ZNF154: variants seen among roughly 807,000 people sequenced by gnomAD.
ZNF154 encodes zinc finger protein 154 (pHZ-92).
Under a neutral mutation model 7.5 loss-of-function variants are expected in ZNF154, and 6 were observed. That is an observed-to-expected ratio of 0.80 (90% CI 0.44 to 1.57). The LOEUF is 1.57. Ranked by LOEUF, ZNF154 falls within the 40% of genes most tolerant of loss-of-function variation. ZNF154 has a pLI of 0.01. For synonymous variants in ZNF154, 187 were observed against 185.9 expected (o/e 1.01, Z -0.05); for missense variants, 485 against 531.4 (o/e 0.91, Z 0.86).
rs756506973 is a variant in ZNF154, at chr19:57,702,159, G to A, written c.790C>T (p.Arg264Trp). 64 of 1,613,706 alleles carry A rather than the reference G, an allele frequency of 4.0e-5. No individual in the cohort carries two copies. The highest frequency in any genetic ancestry group is 5.0e-5 in the Admixed American group (3 of 59,986). Reference protein sequence around the residue: ...FSQRSALLQHRGVHTGERPYE... With the variant: ...FSQRSALLQHWGVHTGERPYE... ...GGCCTCTCCCCAGTGTGAACTCCCC[G>A]ATGTTGAAGGAGTGCAGACCTTTGG... is the stretch of plus-strand genomic sequence containing the variant. The change falls in exon 3 of 3, where the codon CGG becomes TGG. Residue 264 changes from arginine to tryptophan, a missense_variant. Coordinates refer to ENST00000684351, the MANE Select transcript of ZNF154 (RefSeq NM_001085384.3).
Position 57,699,574 on chromosome 19 carries a change from G to C in ZNF154, c.*2061C>G, listed in dbSNP as rs1269250688. ...CTGGAAGTTGACAATGACCAATTGA[G>C]AGCAATATTAGAAGCTGATCCTCTT... On this transcript the variant is annotated 3_prime_UTR_variant, in exon 3 of 3. Coordinates refer to ENST00000684351, the MANE Select transcript of ZNF154 (RefSeq NM_001085384.3). The C allele has an allele frequency of 4.2e-6, 1 of 237,946 alleles. No individual in the cohort carries two copies. Among genetic ancestry groups the C allele is most frequent in the East Asian group, 1.1e-4 (1 of 9,042 alleles). 14.7% of individuals were successfully genotyped at this position (237,946 alleles called of 1,614,324 possible). A position where few individuals can be genotyped will look rare whatever the true frequency, so the allele number is the denominator to read the frequency against.
intron 1 of ZNF154, among the ~76,000 whole-genome samples, chr19:57,706,107 C>T (rs1280478807): frequency 1.3e-5 from 2 of 152,168 alleles, no homozygotes; most frequent in African/African-American, 4.8e-5. Context: ...ACCCTGATTT[C>T]ACCAGATGTC....
At position 57,702,783 on chromosome 19, in the gene ZNF154, G is replaced by T; in HGVS notation, c.166C>A (p.His56Asn). 6.3e-7 allele frequency: 1 copy of T among 1,597,020 alleles called. No homozygotes were observed. Residue 56 changes from histidine (H) to asparagine (N), a missense_variant, in exon 3 of 3, where the codon CAT (histidine) becomes AAT (asparagine). Coordinates refer to ENST00000684351, the MANE Select transcript of ZNF154 (RefSeq NM_001085384.3). ...TCTCCAAGGTGCTGCTTCTGATGAT[G>T]AACATCTGCAATGAAATACAATTAT... ...NLALLTSLDV[H>N]HQKQHLGEKH... is the part of the protein sequence containing the mutation.
intron 2 of ZNF154, 146 bp downstream of exon 2, chr19:57,704,707 T>A: frequency 8.8e-7 from 1 of 1,136,494 alleles, no homozygotes; most frequent in South Asian, 1.7e-5. Flanking sequence ...ATGCACACCT[T>A]AGTCTTACCA....
intron 2 of ZNF154, among the ~76,000 whole-genome samples, chr19:57,704,583 G>A (rs921998007): frequency 6.6e-6 from 1 of 152,166 alleles, no homozygotes; most frequent in Non-Finnish European, 1.5e-5. Flanking sequence ...ACATGGAGGG[G>A]ACAATCAAGG....
intron 2 of ZNF154, 123 bp from the exon 3 acceptor site, chr19:57,702,911 T>G (rs35063765): frequency 0.16 from 151,318 of 918,380 alleles, 13,353 homozygotes; most frequent in Non-Finnish European, 0.17. Context: ...CGTCTCACAG[T>G]GGTGGGCCTT....
chr19:57,701,370 A>G lies in ZNF154; in HGVS notation c.*265T>C, dbSNP rs540060124. 20 of 459,896 alleles carry G rather than the reference A, an allele frequency of 4.3e-5. No individual in the cohort carries two copies. Among genetic ancestry groups the G allele is most frequent in the South Asian group, 1.7e-4 (6 of 35,916 alleles). The allele number at this position is 459,896 out of a possible 1,614,324, so 28.5% of individuals were successfully genotyped here. On this transcript the variant is annotated 3_prime_UTR_variant, in exon 3 of 3. Coordinates refer to ENST00000684351, the MANE Select transcript of ZNF154 (RefSeq NM_001085384.3). ...GGCCCTGGGCAGGGCAAAAGGTGCAATGCAGTTCACACATACCTGGAATTT... is the reference window on the plus strand; with the variant it reads ...GGCCCTGGGCAGGGCAAAAGGTGCAGTGCAGTTCACACATACCTGGAATTT...
chr19:57,702,312 C>A lies in ZNF154; in HGVS notation c.637G>T (p.Ala213Ser). ...TCATCACATTCATGAGGTCGTACTG[C>A]AGTGTGAACTCTCCGGTGCTGAATG... The part of the protein sequence containing the change: ...SLIQHRRVHT[A>S]VRPHECDECG... Residue 213 changes from alanine to serine, a missense_variant, in exon 3 of 3, where the codon GCA becomes TCA. Physicochemically the swap from Ala to Ser is moderately conservative, Grantham distance 99 (BLOSUM62 1). Coordinates refer to ENST00000684351, the MANE Select transcript of ZNF154 (RefSeq NM_001085384.3). 4 of 1,612,938 alleles carry A rather than the reference C, an allele frequency of 2.5e-6. No homozygotes were observed. Among genetic ancestry groups the A allele is most frequent in the Non-Finnish European group, 3.4e-6 (4 of 1,178,976 alleles).
intron 1 of ZNF154, 38 bp from the exon 2 acceptor site, chr19:57,705,017 C>T (rs546455481): frequency 6.3e-7 from 1 of 1,583,694 alleles, no homozygotes; most frequent in Non-Finnish European, 8.6e-7. Context: ...CCAAGAGCCC[C>T]TATCCCAAGG....
chr19:57,696,449 T>C lies in ZNF154; in HGVS notation c.*5186A>G, dbSNP rs1389137236. 1.3e-5 allele frequency among the ~76,000 whole-genome samples: 2 copies of C among 152,156 alleles called. No individual in the cohort carries two copies. Among genetic ancestry groups the C allele is most frequent in the African/African-American group, 4.8e-5 (2 of 41,436 alleles). On this transcript the variant is annotated 3_prime_UTR_variant, in exon 3 of 3. Transcript: ENST00000684351. The stretch of plus-strand genomic sequence containing the variant: ...CTTTTGCCAGGATCCCAGAGAGTAC[T>C]GTGAGCACTCCTATTCCACAAACAT...
intron 2 of ZNF154, 92 bp from the exon 3 acceptor site, chr19:57,702,880 GTC>G (rs1276672602): frequency 3.1e-6 from 4 of 1,273,362 alleles, no homozygotes; most frequent in Non-Finnish European, 4.3e-6. Flanking sequence ...AGAGCAAAAT[GTC>G]TCTCAAGACC....
At position 57,701,717 on chromosome 19, in the gene ZNF154, T is replaced by G. The variant is rs766966512; in HGVS notation, c.1232A>C (p.Lys411Thr). 6.2e-7 allele frequency: 1 copy of G among 1,613,704 alleles called. No individual in the cohort carries two copies. Among genetic ancestry groups the G allele is most frequent in the South Asian group, 1.1e-5 (1 of 91,030 alleles). ...IKHRRVHTGEKPYECTECGKS... is the reference protein window; with the variant it reads ...IKHRRVHTGETPYECTECGKS... The stretch of plus-strand genomic sequence containing the variant: ...CCCACATTCCGTGCACTCATAAGGC[T>G]TCTCCCCAGTGTGAACCCTCCTGTG... The change falls in exon 3 of 3, where the codon AAG becomes ACG. Residue 411 changes from lysine to threonine, a missense_variant. By Grantham distance (78) the Lys-to-Thr change is moderately conservative (BLOSUM62 -1). Coordinates refer to ENST00000684351, the MANE Select transcript of ZNF154 (RefSeq NM_001085384.3).
chr19:57,702,037 G>A lies in ZNF154; in HGVS notation c.912C>T (p.Ser304=), dbSNP rs751870881. 2.3e-5 allele frequency: 37 copies of A among 1,610,816 alleles called. No homozygotes were observed. In the Admixed American group the frequency reaches 2.5e-4, roughly 11 times the overall value. The change falls in exon 3 of 3, where the codon AGC becomes AGT. Residue 304 remains serine, a synonymous_variant. Coordinates refer to ENST00000684351, the MANE Select transcript of ZNF154 (RefSeq NM_001085384.3). ...TTTGGCTAAATGACTTCCCACATTC[G>A]CTGCACTCATAAGGCCTGGATCCAC... ...VHSGSRPYEC[S]ECGKSFSQNS...
chr19:57,708,681 T>C (rs1985498158), intron 1 of ZNF154, among the ~76,000 whole-genome samples: 1 of 152,160 alleles, frequency 6.6e-6, no homozygotes. Flanking sequence ...CTCCGCCTCA[T>C]ATTCTTCGTT....
In ZNF154 at chr19:57,702,011, T is replaced by A. The variant is rs776324104; in HGVS notation, c.938A>T (p.Asn313Ile). Reference sequence around the variant, plus strand: ...CCTATGGTGTTCAATGAGGCTAGAGTTTTGGCTAAATGACTTCCCACATTC... The same window carrying A: ...CCTATGGTGTTCAATGAGGCTAGAGATTTGGCTAAATGACTTCCCACATTC... Reference protein sequence around the residue: ...CSECGKSFSQNSSLIEHHRVH... With the variant: ...CSECGKSFSQISSLIEHHRVH... The change falls in exon 3 of 3, where the codon AAC (asparagine) becomes ATC (isoleucine). Residue 313 changes from asparagine (N) to isoleucine (I), a missense_variant. By Grantham distance (149) the Asn-to-Ile change is moderately radical. Coordinates refer to ENST00000684351, the MANE Select transcript of ZNF154 (RefSeq NM_001085384.3). The A allele has an allele frequency of 1.2e-6, 2 of 1,612,470 alleles. No homozygotes were observed. The highest frequency in any genetic ancestry group is 2.7e-5 in the African/African-American group (2 of 74,284).
At chr19:57,704,420 A>G (rs1465768385) in intron 2 of ZNF154, among the ~76,000 whole-genome samples, 3 of 152,218 alleles carry the variant, frequency 2.0e-5, no homozygotes, top group African/African-American at 7.2e-5. Context: ...ATTTCAGAGG[A>G]ATACTTTGTA....
chr19:57,696,889 C>A lies in ZNF154; in HGVS notation c.*4746G>T, dbSNP rs543091681. Among the ~76,000 whole-genome samples the A allele has an allele frequency of 6.6e-6, 1 of 152,160 alleles. No individual in the cohort carries two copies. The highest frequency in any genetic ancestry group is 1.5e-5 in the Non-Finnish European group (1 of 68,028). On this transcript the variant is annotated 3_prime_UTR_variant, in exon 3 of 3. Transcript: ENST00000684351. ...GCTGGAAGCTCGCACTGTCCTGTCC[C>A]GATGTATCATCCAGCAGCCCCAAGG...
chr19:57,701,024 G>A lies in ZNF154; in HGVS notation c.*611C>T, dbSNP rs1985106218. ...GAGGCAGTTGGTTCCCACAGTTGGT[G>A]ATTTGAAGGCTGGCAAACTCTATCA... On this transcript the variant is annotated 3_prime_UTR_variant, in exon 3 of 3. Coordinates refer to ENST00000684351, the MANE Select transcript of ZNF154 (RefSeq NM_001085384.3). 1 of 153,176 alleles carries A rather than the reference G, an allele frequency of 6.5e-6. No individual in the cohort carries two copies. The highest frequency in any genetic ancestry group is 1.5e-5 in the Non-Finnish European group (1 of 68,844). The allele number at this position is 153,176 out of a possible 1,614,324, so 9.5% of individuals were successfully genotyped here.
In ZNF154 at chr19:57,700,049, C is replaced by T. The variant is rs1172163020; in HGVS notation, c.*1586G>A. 1 of 152,140 alleles carries T rather than the reference C, an allele frequency of 6.6e-6. No homozygotes were observed. Among genetic ancestry groups the T allele is most frequent in the Admixed American group, 6.5e-5 (1 of 15,278 alleles). The allele number at this position is 152,140 out of a possible 1,614,324, so 9.4% of individuals were successfully genotyped here. ...TGCACCAACCTAACAAAATATGGTT[C>T]AAAATAAAAGTCTGAATTTCCTATT... On this transcript the variant is annotated 3_prime_UTR_variant, in exon 3 of 3. Transcript: ENST00000684351.
Sources: gnomAD v4.1 joint callset for allele counts (sites outside exome capture counted in the v4.1 genomes callset) on GRCh38, gnomAD v4.1.1 for gene constraint, MANE v1.5 for transcripts, NCBI Gene and HGNC (gene_info 2026-07-23, HGNC 2026-07-21) for gene names.